STARD13: variants seen among roughly 807,000 people sequenced by gnomAD.
STARD13 encodes stAR-related lipid transfer protein 13.
A neutral mutation model predicts 106.4 loss-of-function variants in STARD13; 62 were observed. The observed-to-expected ratio is 0.58, with a 90% CI of 0.48 to 0.72. The LOEUF is 0.72. STARD13 is among the 30% of genes least tolerant of loss of function. STARD13 has a pLI of 0.00. For missense variants in STARD13, 1,387 were observed against 1,424.0 expected, an observed-to-expected ratio of 0.97 and a Z score of 0.42; for synonymous variants, 565 against 553.0, an observed-to-expected ratio of 1.02 and a Z score of -0.31.
At chr13:33,107,969 A>T (rs1412845671) in intron 12 of STARD13, among the ~76,000 whole-genome samples, 1 of 152,230 alleles carries the variant, frequency 6.6e-6, no homozygotes, top group East Asian at 1.9e-4. Flanking sequence ...AGAAATGGTG[A>T]TATGTGCTTG....
chr13:33,470,915 G>C, the STARD13 span, among the ~76,000 whole-genome samples: 1 of 152,144 alleles, frequency 6.6e-6, no homozygotes, highest in Non-Finnish European at 1.5e-5. Flanking sequence ...GTGTGCAGAA[G>C]CTCTTTAGTT....
intron 1 of STARD13, among the ~76,000 whole-genome samples, chr13:33,262,968 A>G (rs967178147): frequency 3.9e-5 from 6 of 152,186 alleles, no homozygotes; most frequent in Admixed American, 3.3e-4. Flanking sequence ...CAGCTCAAGT[A>G]CCATAGGAAA....
chr13:33,174,561 T>G (rs1435355745), intron 1 of STARD13, among the ~76,000 whole-genome samples: 1 of 152,208 alleles, frequency 6.6e-6, no homozygotes, highest in Non-Finnish European at 1.5e-5. Flanking sequence ...GAGATATTCC[T>G]TCAGCCTAGG....
chr13:33,144,114 C>A (rs1182213554), intron 3 of STARD13, among the ~76,000 whole-genome samples: 1 of 152,170 alleles, frequency 6.6e-6, no homozygotes, highest in Non-Finnish European at 1.5e-5. Context: ...CATGGCCTTA[C>A]TGAAGAATCT....
chr13:33,516,088 T>C, the STARD13 span, among the ~76,000 whole-genome samples: 1 of 150,136 alleles, frequency 6.7e-6, no homozygotes, highest in African/African-American at 2.4e-5. Context: ...CACACACACA[T>C]ACACACACAT....
At chr13:33,402,472 A>G in the STARD13 span, among the ~76,000 whole-genome samples, 1 of 152,252 alleles carries the variant, frequency 6.6e-6, no homozygotes, top group Non-Finnish European at 1.5e-5. Flanking sequence ...GGAGATGGAA[A>G]TGGCTAGAAG....
the STARD13 span, among the ~76,000 whole-genome samples, chr13:33,667,511 T>A: frequency 3.3e-5 from 5 of 152,364 alleles, no homozygotes; most frequent in East Asian, 9.6e-4. Context: ...AGCAAGTAGT[T>A]TTAGGTGCAT....
At chr13:33,308,508 T>C (rs1479198888) in intron 1 of STARD13, among the ~76,000 whole-genome samples, 3 of 132,716 alleles carry the variant, frequency 2.3e-5, no homozygotes, top group Non-Finnish European at 4.9e-5. Flanking sequence ...TTTTTTCTTT[T>C]TCTTTTTCTT....
chr13:33,130,157 C>T lies in STARD13; in HGVS notation c.520G>A (p.Gly174Ser). 6.2e-7 allele frequency: 1 copy of T among 1,614,128 alleles called. No individual in the cohort carries two copies. The highest frequency in any genetic ancestry group is 8.5e-7 in the Non-Finnish European group (1 of 1,180,032). Reference protein sequence around the residue: ...PRGDRNGSPGGTGMRNTTSSE... With the variant: ...PRGDRNGSPGSTGMRNTTSSE... ...CTGGTCGTGTTCCTCATCCCCGTGC[C>T]TCCCGGTGACCCATTTCTGTCTCCT... The change falls in exon 5 of 14, where the codon GGC (glycine) becomes AGC (serine). Residue 174 changes from glycine (G) to serine (S), a missense_variant. Transcript: ENST00000336934. The surrounding 1 kb of genome is among the most constrained non-coding windows in gnomAD (Gnocchi z 4.1).
the STARD13 span, among the ~76,000 whole-genome samples, chr13:33,504,395 C>G: frequency 6.6e-6 from 1 of 152,044 alleles, no homozygotes; most frequent in Non-Finnish European, 1.5e-5. Flanking sequence ...GAAAATATGG[C>G]ACATATACAC....
At chr13:33,475,910 T>G in the STARD13 span, among the ~76,000 whole-genome samples, 1 of 151,870 alleles carries the variant, frequency 6.6e-6, no homozygotes, top group African/African-American at 2.4e-5. Context: ...CGAGCCGAGA[T>G]GGCGCCACTG....
At chr13:33,385,598 G>A in the STARD13 span, among the ~76,000 whole-genome samples, 2 of 151,452 alleles carry the variant, frequency 1.3e-5, no homozygotes, top group African/African-American at 2.4e-5. Context: ...GGTGGCTCAC[G>A]CCTGTAATCT....
chr13:33,404,361 A>C, the STARD13 span, among the ~76,000 whole-genome samples: 1 of 152,236 alleles, frequency 6.6e-6, no homozygotes, highest in Non-Finnish European at 1.5e-5. Flanking sequence ...AACAAGAAAA[A>C]GCAAAATAAA....
At chr13:33,415,226 G>A in the STARD13 span, among the ~76,000 whole-genome samples, 1 of 152,154 alleles carries the variant, frequency 6.6e-6, no homozygotes, top group Non-Finnish European at 1.5e-5. Context: ...AAAGTAGCCG[G>A]GCGTGGTGGC....
chr13:33,664,784 G>A, the STARD13 span, among the ~76,000 whole-genome samples: 5 of 152,030 alleles, frequency 3.3e-5, no homozygotes, highest in Non-Finnish European at 5.9e-5. Flanking sequence ...CCGCCACCAC[G>A]CCCGGCTAAT....
the STARD13 span, among the ~76,000 whole-genome samples, chr13:33,576,643 T>A: frequency 6.6e-6 from 1 of 152,168 alleles, no homozygotes; most frequent in Non-Finnish European, 1.5e-5. Flanking sequence ...CACATGCCCA[T>A]CTCAGTAATT....
At chr13:33,278,772 T>TAAGA (rs1891593500) in intron 1 of STARD13, 18 of 152,300 alleles carry the variant, frequency 1.2e-4, no homozygotes, top group Admixed American at 1.2e-3. Flanking sequence ...CATTTTTGAT[T>TAAGA]ATTATTCAAG....
At chr13:33,244,405 C>T (rs1889719578) in intron 1 of STARD13, among the ~76,000 whole-genome samples, 1 of 152,116 alleles carries the variant, frequency 6.6e-6, no homozygotes, top group Non-Finnish European at 1.5e-5. Context: ...TGTCACCTCT[C>T]ACCACTCACC....
chr13:33,320,002 C>G (rs551388140), intron 1 of STARD13, among the ~76,000 whole-genome samples: 1 of 152,288 alleles, frequency 6.6e-6, no homozygotes, highest in East Asian at 1.9e-4. Context: ...ACATCCTCCT[C>G]TGTAAACTTG....
Sources: allele counts gnomAD v4.1 joint callset (sites outside exome capture counted in the v4.1 genomes callset), GRCh38; gene constraint gnomAD v4.1.1; non-coding constraint Gnocchi (gnomAD v3.1); transcripts MANE v1.5; gene names NCBI Gene and HGNC (gene_info 2026-07-23, HGNC 2026-07-21).